Variants in ANO10 observed in about 807,000 individuals in gnomAD.
The protein encoded by ANO10 is anoctamin-10.
ANO10 carries 77 observed loss-of-function variants against 74.7 expected under a neutral mutation model. That is an observed-to-expected ratio of 1.03 (90% CI 0.86 to 1.25). The LOEUF (loss-of-function observed/expected upper bound fraction) is 1.25, where lower values mean the gene tolerates loss of function less well. ANO10 is among the 50% of genes most tolerant of loss of function. The probability of loss-of-function intolerance (pLI) is 0.00; values close to 1 mark genes in which losing one functional copy is unlikely to be tolerated. For missense variants in ANO10, 721 were observed against 778.1 expected (o/e 0.93, Z 0.87); for synonymous variants, 279 against 284.9 (o/e 0.98, Z 0.21).
In ANO10 at chr3:43,397,932, G is replaced by A. The variant is rs186449606; in HGVS notation, c.1915-30958C>T. ...TTGATTCACGTATTTTGTCTGTTTT[G>A]GGGGGTTCTTTCTGGCATGAAGGGG... On this transcript the variant is annotated intron_variant, in intron 12 of 12. Transcript: ENST00000292246. Among the ~76,000 whole-genome samples the A allele has an allele frequency of 2.5e-3, 376 of 152,284 alleles. 1 individual carries two copies. The highest frequency in any genetic ancestry group is 3.6e-3 in the Non-Finnish European group (242 of 68,012).
chr3:43,505,022 G>A lies in ANO10; in HGVS notation c.1797+44698C>T, dbSNP rs919530202. On this transcript the variant is annotated intron_variant, in intron 11 of 12. Coordinates refer to ENST00000292246, the MANE Select transcript of ANO10 (RefSeq NM_018075.5). Reference sequence around the variant, plus strand: ...CTTTCAAAGAAGATGGTAAAAATCTGAACAAAGTTCTTTTGAATTCTATTA... The same window carrying A: ...CTTTCAAAGAAGATGGTAAAAATCTAAACAAAGTTCTTTTGAATTCTATTA... Among the ~76,000 whole-genome samples the A allele has an allele frequency of 6.6e-5, 10 of 152,284 alleles. No individual in the cohort carries two copies. The East Asian group carries it at 1.7e-3, about 26-fold the overall frequency.
chr3:43,633,313 A>G (rs980199282), intron 1 of ANO10, among the ~76,000 whole-genome samples: 3 of 152,182 alleles, frequency 2.0e-5, no homozygotes, highest in African/African-American at 7.2e-5. Flanking sequence ...TACCACATAC[A>G]TATTTTGAAT....
At chr3:43,506,728 C>A (rs900220117) in intron 11 of ANO10, among the ~76,000 whole-genome samples, 3 of 152,158 alleles carry the variant, frequency 2.0e-5, no homozygotes, top group African/African-American at 7.2e-5. Flanking sequence ...TAGGTATCTG[C>A]ATGGCTTTCC....
chr3:43,637,041 A>C (rs2149561746), intron 1 of ANO10, among the ~76,000 whole-genome samples: 1 of 152,292 alleles, frequency 6.6e-6, no homozygotes, highest in East Asian at 1.9e-4. Flanking sequence ...GTGGTGGTGC[A>C]TGCCTGCAGT....
rs1575241980 is a variant in ANO10 at position 43,488,783 on chromosome 3, C to T, written c.1798-56056G>A. Among the ~76,000 whole-genome samples, 4 of 152,258 alleles carry T rather than the reference C, an allele frequency of 2.6e-5. No individual in the cohort carries two copies. In the East Asian group the frequency reaches 7.7e-4, roughly 29 times the overall value. ...GTGGCGATTCCTCAGGGATCTAGAA[C>T]TGGAAATACCATTTGACCCAGCCAT... On this transcript the variant is annotated intron_variant, in intron 11 of 12. Transcript: ENST00000292246.
intron 11 of ANO10, among the ~76,000 whole-genome samples, chr3:43,444,502 G>A (rs1420183826): frequency 1.3e-5 from 2 of 152,126 alleles, no homozygotes; most frequent in Non-Finnish European, 2.9e-5. Flanking sequence ...CTCTAACTAA[G>A]GCCTACAAAG....
At chr3:43,683,633 G>A (rs1211690294) in intron 1 of ANO10, among the ~76,000 whole-genome samples, 1 of 152,152 alleles carries the variant, frequency 6.6e-6, no homozygotes, top group Non-Finnish European at 1.5e-5. Context: ...TCAATCCTGA[G>A]ACAAAAGAAC....
intron 1 of ANO10, among the ~76,000 whole-genome samples, chr3:43,618,853 G>A (rs2083250461): frequency 6.6e-6 from 1 of 151,946 alleles, no homozygotes; most frequent in African/African-American, 2.4e-5. Flanking sequence ...CCAGGCTGGA[G>A]TGCAGTGGAG....
chr3:43,556,708 C>G (rs1447395703), intron 9 of ANO10, among the ~76,000 whole-genome samples: 1 of 152,150 alleles, frequency 6.6e-6, no homozygotes, highest in Non-Finnish European at 1.5e-5. Flanking sequence ...GCTATCAACA[C>G]TCAGCTGAGA....
intron 11 of ANO10, among the ~76,000 whole-genome samples, chr3:43,539,445 A>C (rs1456172844): frequency 6.6e-6 from 1 of 152,250 alleles, no homozygotes; most frequent in East Asian, 1.9e-4. Context: ...CAGTTCAGGC[A>C]TCTGAAAGGA....
intron 11 of ANO10, among the ~76,000 whole-genome samples, chr3:43,549,012 A>C (rs2079327657): frequency 6.6e-6 from 1 of 152,230 alleles, no homozygotes. Flanking sequence ...ATTATCAAAA[A>C]GTGTTTTTAG....
At chr3:43,523,325 C>T (rs58279301) in intron 11 of ANO10, among the ~76,000 whole-genome samples, 2,421 of 152,098 alleles carry the variant, frequency 0.016, 68 homozygotes, top group African/African-American at 0.054. Context: ...TGAAGGGCCT[C>T]GAAAACTACA....
chr3:43,652,765 C>G (rs1156679825), intron 1 of ANO10, among the ~76,000 whole-genome samples: 1 of 151,248 alleles, frequency 6.6e-6, no homozygotes, highest in Non-Finnish European at 1.5e-5. Flanking sequence ...GTTATCAAGG[C>G]AAAATATAAA....
intron 1 of ANO10, among the ~76,000 whole-genome samples, chr3:43,643,907 A>G (rs144481271): frequency 0.047 from 7,177 of 151,796 alleles, 193 homozygotes; most frequent in Non-Finnish European, 0.059. Flanking sequence ...GATGGTCTCA[A>G]TCTCCTAACC....
At chr3:43,500,596 C>A (rs183151624) in intron 11 of ANO10, among the ~76,000 whole-genome samples, 1 of 152,278 alleles carries the variant, frequency 6.6e-6, no homozygotes, top group Non-Finnish European at 1.5e-5. Flanking sequence ...TAACCTTAGG[C>A]TCAGTGAAAT....
intron 7 of ANO10, among the ~76,000 whole-genome samples, chr3:43,568,072 C>T (rs2080472241): frequency 1.3e-5 from 2 of 151,906 alleles, no homozygotes; most frequent in African/African-American, 4.8e-5. Context: ...CAACAAAGAT[C>T]AAAAGAGACA....
At chr3:43,683,301 A>C (rs559235904) in intron 1 of ANO10, among the ~76,000 whole-genome samples, 1 of 152,348 alleles carries the variant, frequency 6.6e-6, no homozygotes, top group Non-Finnish European at 1.5e-5. Context: ...ACAAACTGAG[A>C]GCCAAATCAT....
intron 1 of ANO10, among the ~76,000 whole-genome samples, chr3:43,635,140 A>G (rs1031408451): frequency 2.6e-5 from 4 of 152,142 alleles, no homozygotes; most frequent in Non-Finnish European, 5.9e-5. Flanking sequence ...TTTCTTGGGA[A>G]TATGTGCAGC....
chr3:43,399,017 G>A (rs2092432844), intron 12 of ANO10, among the ~76,000 whole-genome samples: 1 of 152,066 alleles, frequency 6.6e-6, no homozygotes, highest in African/African-American at 2.4e-5. Flanking sequence ...TAGTAGAGAT[G>A]GGGTTTCGCC....
Sources: gnomAD v4.1 joint callset for allele counts (sites outside exome capture counted in the v4.1 genomes callset) on GRCh38, gnomAD v4.1.1 for gene constraint, MANE v1.5 for transcripts, NCBI Gene and HGNC (gene_info 2026-07-23, HGNC 2026-07-21) for gene names.